GALNT14: variants seen among roughly 807,000 people sequenced by gnomAD.
GALNT14 encodes UDP-GalNAc:polypeptide N-acetylgalactosaminyltransferase 14.
In GALNT14, 60 loss-of-function variants were observed where a neutral mutation model predicts 77.5. That is an observed-to-expected ratio of 0.77 (90% CI 0.63 to 0.96). The LOEUF (loss-of-function observed/expected upper bound fraction) is 0.96, where lower values mean the gene tolerates loss of function less well. GALNT14 is among the 40% of genes least tolerant of loss of function. The pLI, the probability that GALNT14 is intolerant of heterozygous loss-of-function variation, is 0.00. For synonymous variants in GALNT14, 280 were observed against 281.7 expected, an observed-to-expected ratio of 0.99 and a Z score of 0.06; for missense variants, 710 against 731.0, an observed-to-expected ratio of 0.97 and a Z score of 0.33.
chr2:30,946,508 C>T (rs1666709779), intron 6 of GALNT14, among the ~76,000 whole-genome samples: 1 of 152,162 alleles, frequency 6.6e-6, no homozygotes, highest in African/African-American at 2.4e-5. Flanking sequence ...CCAGCCTGCT[C>T]CCCCTTCACC....
At position 31,110,223 on chromosome 2, in the gene GALNT14, G is replaced by A. The variant is rs1304507306; in HGVS notation, c.129+27735C>T. Among the ~76,000 whole-genome samples, 5 of 152,056 alleles carry A rather than the reference G, an allele frequency of 3.3e-5. No homozygotes were observed. In the East Asian group the frequency reaches 9.6e-4, roughly 29 times the overall value. On this transcript the variant is annotated intron_variant, in intron 1 of 14. Coordinates refer to ENST00000349752, the MANE Select transcript of GALNT14 (RefSeq NM_024572.4). ...TCCCTTTCTTACCTCCTAAATCCGT[G>A]TATTATAAATGCAGAGAGCACACAG...
intron 1 of GALNT14, among the ~76,000 whole-genome samples, chr2:31,013,065 G>A (rs1339641187): frequency 1.3e-5 from 2 of 152,164 alleles, no homozygotes; most frequent in Non-Finnish European, 2.9e-5. Context: ...ACCAACTAAA[G>A]GGTTCCAGTC....
intron 1 of GALNT14, chr2:31,125,093 G>T: frequency 8.3e-7 from 1 of 1,197,912 alleles, no homozygotes; most frequent in Non-Finnish European, 1.2e-6. Flanking sequence ...AGTACCCAGG[G>T]CCTGCTTGGG....
intron 1 of GALNT14, among the ~76,000 whole-genome samples, chr2:31,055,798 T>C (rs558975502): frequency 6.6e-6 from 1 of 152,146 alleles, no homozygotes; most frequent in Non-Finnish European, 1.5e-5. Context: ...CTGCTTTATT[T>C]CTCTTATGAA....
At chr2:30,963,091 C>T (rs555825381) in intron 3 of GALNT14, among the ~76,000 whole-genome samples, 8 of 152,246 alleles carry the variant, frequency 5.3e-5, no homozygotes, top group East Asian at 1.9e-4. Flanking sequence ...GGTCTGAGCT[C>T]GGGGCTGGCT....
At chr2:31,048,338 C>G (rs960894310) in intron 1 of GALNT14, among the ~76,000 whole-genome samples, 45 of 152,246 alleles carry the variant, frequency 3.0e-4, no homozygotes, top group Middle Eastern at 6.8e-3. Context: ...GAATAGGGGA[C>G]ACAGAAATGC....
At chr2:31,084,816 G>C (rs982773505) in intron 1 of GALNT14, among the ~76,000 whole-genome samples, 1 of 152,180 alleles carries the variant, frequency 6.6e-6, no homozygotes, top group Non-Finnish European at 1.5e-5. Context: ...CCTGAGGTCA[G>C]GAGTTCGAGA....
chr2:31,125,389 C>A, intron 1 of GALNT14: 1 of 673,866 alleles, frequency 1.5e-6, no homozygotes, highest in Non-Finnish European at 2.6e-6. Context: ...CTTGAAAGAG[C>A]CCTTATTTCT....
chr2:31,136,244 C>T (rs972080812), intron 1 of GALNT14, among the ~76,000 whole-genome samples: 1 of 152,080 alleles, frequency 6.6e-6, no homozygotes, highest in African/African-American at 2.4e-5. Flanking sequence ...CCCCACCCAG[C>T]CCCTACACAC....
intron 4 of GALNT14, among the ~76,000 whole-genome samples, chr2:30,957,809 G>A (rs1667457737): frequency 6.6e-6 from 1 of 152,212 alleles, no homozygotes; most frequent in Non-Finnish European, 1.5e-5. Context: ...ATGATTGACT[G>A]CACAGAACTG....
At chr2:30,978,492 G>C (rs148857051) in intron 2 of GALNT14, among the ~76,000 whole-genome samples, 2 of 152,246 alleles carry the variant, frequency 1.3e-5, no homozygotes, top group African/African-American at 4.8e-5. Flanking sequence ...CATATATATG[G>C]TGCCTCCCAC....
At chr2:30,912,383 G>C (rs967896860) in intron 13 of GALNT14, 41 bp from the exon 14 acceptor site, 18 of 1,608,924 alleles carry the variant, frequency 1.1e-5, no homozygotes, top group Non-Finnish European at 1.4e-5. Context: ...CAGGATCCAG[G>C]AAGCCACCAC....
At chr2:30,938,384 A>G (rs572058175) in intron 9 of GALNT14, among the ~76,000 whole-genome samples, 1 of 141,784 alleles carries the variant, frequency 7.1e-6, no homozygotes, top group East Asian at 2.0e-4. Flanking sequence ...ACACACACAC[A>G]CTCTCTCTCT....
At chr2:31,064,347 A>T (rs1290607715) in intron 1 of GALNT14, among the ~76,000 whole-genome samples, 2 of 152,216 alleles carry the variant, frequency 1.3e-5, no homozygotes, top group Non-Finnish European at 2.9e-5. Flanking sequence ...TAAATTTTTA[A>T]AATATTAGAT....
chr2:30,957,008 A>T (rs1008382736), intron 4 of GALNT14, among the ~76,000 whole-genome samples: 1 of 152,114 alleles, frequency 6.6e-6, no homozygotes, highest in Non-Finnish European at 1.5e-5. Context: ...CCCCATCCTA[A>T]GCATTTGTCC....
intron 1 of GALNT14, among the ~76,000 whole-genome samples, chr2:31,085,719 G>C (rs886386661): frequency 3.9e-5 from 6 of 152,168 alleles, no homozygotes; most frequent in African/African-American, 1.4e-4. Context: ...GTGCTTTCTT[G>C]AACTGATGAT....
intron 1 of GALNT14, among the ~76,000 whole-genome samples, chr2:31,038,084 A>ATTTTT (rs1196402402): frequency 1.7e-4 from 9 of 52,650 alleles, no homozygotes; most frequent in South Asian, 6.3e-4. Flanking sequence ...ATATATATAT[A>ATTTTT]TTTTTTTTTT....
At chr2:31,032,931 C>G (rs1672503431) in intron 1 of GALNT14, among the ~76,000 whole-genome samples, 1 of 152,172 alleles carries the variant, frequency 6.6e-6, no homozygotes, top group African/African-American at 2.4e-5. Context: ...CCCACTGGAA[C>G]AGTCAGCTCC....
intron 1 of GALNT14, among the ~76,000 whole-genome samples, chr2:31,012,136 G>A (rs1671071220): frequency 1.3e-5 from 2 of 152,154 alleles, no homozygotes; most frequent in Non-Finnish European, 2.9e-5. Flanking sequence ...TATGTCTTTA[G>A]ACCTGTATTT....
Sources: allele counts gnomAD v4.1 joint callset (sites outside exome capture counted in the v4.1 genomes callset), GRCh38; gene constraint gnomAD v4.1.1; transcripts MANE v1.5; gene names NCBI Gene and HGNC (gene_info 2026-07-23, HGNC 2026-07-21).